The following ZFPM2 variants were observed in gnomAD, a reference collection of about 807,000 sequenced individuals.
ZFPM2 encodes the protein zinc finger protein ZFPM2.
A neutral mutation model predicts 98.6 loss-of-function variants in ZFPM2; 20 were observed. The ratio of observed to expected loss-of-function variants is 0.20; its 90% CI spans 0.14 to 0.29. The LOEUF (loss-of-function observed/expected upper bound fraction) is 0.29. Among genes scored for constraint, ZFPM2 ranks in the 10% least tolerant of loss-of-function variants. The pLI, the probability that ZFPM2 is intolerant of heterozygous loss-of-function variation, is 1.00. For missense variants in ZFPM2, 1,310 were observed against 1,388.6 expected (o/e 0.94, Z 0.90); for synonymous variants, 518 against 502.7 (o/e 1.03, Z -0.41).
intron 6 of ZFPM2, chr8:105,796,744 C>G (rs1014042685): frequency 2.0e-5 from 3 of 152,046 alleles, no homozygotes; most frequent in Non-Finnish European, 4.4e-5. Flanking sequence ...GCCATTTTTC[C>G]CATGTTCTTC....
intron 3 of ZFPM2, among the ~76,000 whole-genome samples, chr8:105,518,475 T>G (rs1185801582): frequency 6.6e-6 from 1 of 152,244 alleles, no homozygotes; most frequent in Non-Finnish European, 1.5e-5. Flanking sequence ...CCAAACATTT[T>G]TATAGTTTTA....
chr8:105,482,970 C>T (rs1275763933), intron 3 of ZFPM2, among the ~76,000 whole-genome samples: 3 of 131,054 alleles, frequency 2.3e-5, no homozygotes, highest in Non-Finnish European at 4.8e-5. Flanking sequence ...CCCTTATCTC[C>T]TTCCCTCCCT....
At chr8:105,713,250 A>T (rs1466584734) in intron 5 of ZFPM2, among the ~76,000 whole-genome samples, 12 of 151,886 alleles carry the variant, frequency 7.9e-5, no homozygotes, top group Non-Finnish European at 1.8e-4. Flanking sequence ...ATGCCATCTC[A>T]TTGTGATTTT....
chr8:105,514,615 C>T (rs1813884080), intron 3 of ZFPM2, among the ~76,000 whole-genome samples: 1 of 152,120 alleles, frequency 6.6e-6, no homozygotes. Flanking sequence ...CTTGTTGTGT[C>T]TGCCTGAAGC....
intron 6 of ZFPM2, among the ~76,000 whole-genome samples, chr8:105,789,712 G>C (rs200334327): frequency 0.073 from 11,094 of 152,222 alleles, 457 homozygotes; most frequent in East Asian, 0.12. Context: ...CAGTGTAAAA[G>C]TGTTCCTATT....
rs140087520 is a variant in ZFPM2 at position 105,552,007 on chromosome 8, C to T, written c.302-9356C>T. Among the ~76,000 whole-genome samples, 264 of 152,242 alleles carry T rather than the reference C, an allele frequency of 1.7e-3. 2 individuals carry two copies. Among genetic ancestry groups the T allele is most frequent in the African/African-American group, 5.7e-3 (235 of 41,554 alleles). ...ACGACAGCAGCCTATGAAAAGCAGG[C>T]AGTTTTAACAGACTACGTGTTGACT... On this transcript the variant is annotated intron_variant, in intron 3 of 7. Transcript: ENST00000407775.
intron 3 of ZFPM2, among the ~76,000 whole-genome samples, chr8:105,513,477 G>T (rs1436751590): frequency 6.6e-6 from 1 of 152,122 alleles, no homozygotes. Flanking sequence ...ACATCATCAC[G>T]TCAGTAGTTA....
intron 4 of ZFPM2, among the ~76,000 whole-genome samples, chr8:105,621,250 G>C (rs984386794): frequency 3.9e-5 from 6 of 152,092 alleles, no homozygotes; most frequent in African/African-American, 1.4e-4. Context: ...CACATCCCTT[G>C]TAAGTTGGAT....
At chr8:105,658,860 A>G (rs1817337975) in intron 5 of ZFPM2, among the ~76,000 whole-genome samples, 1 of 152,238 alleles carries the variant, frequency 6.6e-6, no homozygotes, top group African/African-American at 2.4e-5. Flanking sequence ...AAACAGCCAA[A>G]GCCCTGAAAA....
Position 105,763,349 on chromosome 8 carries a change from T to C in ZFPM2, c.533-25369T>C, listed in dbSNP as rs1448323412. On this transcript the variant is annotated intron_variant, in intron 5 of 7. Transcript: ENST00000407775. Reference sequence around the variant, plus strand: ...GAATAACAGTCTGAAATCAATGATATAAATCACTCCCCAGAAGGAGACCAG... The same window carrying C: ...GAATAACAGTCTGAAATCAATGATACAAATCACTCCCCAGAAGGAGACCAG... Among the ~76,000 whole-genome samples the C allele has an allele frequency of 2.6e-5, 4 of 151,898 alleles. No individual in the cohort carries two copies. In the South Asian group the frequency reaches 6.2e-4, roughly 24 times the overall value.
At chr8:105,547,124 T>G (rs73306231) in intron 3 of ZFPM2, among the ~76,000 whole-genome samples, 12,917 of 152,182 alleles carry the variant, frequency 0.085, 741 homozygotes, top group African/African-American at 0.17. Context: ...AAATCATTAT[T>G]TTTACTCTAG....
chr8:105,627,021 A>G (rs1460860552), intron 4 of ZFPM2, among the ~76,000 whole-genome samples: 1 of 152,106 alleles, frequency 6.6e-6, no homozygotes, highest in African/African-American at 2.4e-5. Context: ...CTCCTTTTGG[A>G]AATCCTCAAT....
chr8:105,785,191 A>G (rs1379125503), intron 5 of ZFPM2: 1 of 152,028 alleles, frequency 6.6e-6, no homozygotes, highest in East Asian at 1.9e-4. Context: ...TTCAGCCTGT[A>G]TGTCTTCTCC....
At chr8:105,388,330 A>G (rs1448714061) in intron 1 of ZFPM2, among the ~76,000 whole-genome samples, 3 of 152,084 alleles carry the variant, frequency 2.0e-5, no homozygotes, top group Non-Finnish European at 4.4e-5. Flanking sequence ...AAAAGGGAAA[A>G]GGAGATGGGG....
At chr8:105,664,252 T>C (rs1163294949) in intron 5 of ZFPM2, among the ~76,000 whole-genome samples, 1 of 152,152 alleles carries the variant, frequency 6.6e-6, no homozygotes, top group African/African-American at 2.4e-5. Context: ...TTGCAAATGC[T>C]AACACATTCA....
At chr8:105,570,151 C>G (rs1815324238) in intron 4 of ZFPM2, among the ~76,000 whole-genome samples, 1 of 152,064 alleles carries the variant, frequency 6.6e-6, no homozygotes, top group Admixed American at 6.6e-5. Context: ...CTCTTATACT[C>G]TATCTGCTAT....
chr8:105,414,471 C>T (rs534627641), intron 1 of ZFPM2, among the ~76,000 whole-genome samples: 9 of 152,038 alleles, frequency 5.9e-5, no homozygotes, highest in Admixed American at 2.6e-4. Context: ...CAATGTCTGT[C>T]GAAAGACATA....
intron 1 of ZFPM2, among the ~76,000 whole-genome samples, chr8:105,320,256 T>TTGTGTGTG (rs71305141): frequency 0.056 from 7,976 of 142,260 alleles, 291 homozygotes; most frequent in South Asian, 0.083. Flanking sequence ...ATTCAGATCT[T>TTGTGTGTG]TGTGTGTGTG....
intron 5 of ZFPM2, among the ~76,000 whole-genome samples, chr8:105,656,105 A>T (rs1817279662): frequency 6.6e-6 from 1 of 152,198 alleles, no homozygotes; most frequent in African/African-American, 2.4e-5. Context: ...AAGGGACCAA[A>T]AATAAATAGT....
Sources: allele counts gnomAD v4.1 joint callset (sites outside exome capture counted in the v4.1 genomes callset), GRCh38; gene constraint gnomAD v4.1.1; transcripts MANE v1.5; gene names NCBI Gene and HGNC (gene_info 2026-07-23, HGNC 2026-07-21).